Variants in HS6ST3 observed in about 807,000 individuals in gnomAD.
HS6ST3 encodes the protein heparan sulfate 6-O-sulfotransferase 3, also known as heparan-sulfate 6-O-sulfotransferase 3.
In HS6ST3, 12 loss-of-function variants were observed where a neutral mutation model predicts 36.7. The observed-to-expected ratio is 0.33, with a 90% confidence interval of 0.21 to 0.53. The LOEUF is 0.53. Among genes scored for constraint, HS6ST3 ranks in the 20% least tolerant of loss-of-function variants. The pLI, the probability that HS6ST3 is intolerant of heterozygous loss-of-function variation, is 0.95. For synonymous variants in HS6ST3, 240 were observed against 257.5 expected, an observed-to-expected ratio of 0.93 and a Z score of 0.65; for missense variants, 584 against 640.9, an observed-to-expected ratio of 0.91 and a Z score of 0.96.
intron 1 of HS6ST3, among the ~76,000 whole-genome samples, chr13:96,305,427 C>T (rs544277094): frequency 1.3e-5 from 2 of 152,038 alleles, no homozygotes; most frequent in South Asian, 4.1e-4. Context: ...AGTTTTCTAA[C>T]TTGCTTTATT....
intron 1 of HS6ST3, among the ~76,000 whole-genome samples, chr13:96,749,488 T>G (rs962683632): frequency 1.3e-5 from 2 of 152,174 alleles, no homozygotes; most frequent in African/African-American, 2.4e-5. Context: ...AGAGAGTAAT[T>G]TTTGGATTGT....
At chr13:96,332,312 G>T (rs923393334) in intron 1 of HS6ST3, among the ~76,000 whole-genome samples, 1 of 152,164 alleles carries the variant, frequency 6.6e-6, no homozygotes, top group Non-Finnish European at 1.5e-5. Context: ...TATAGATTTG[G>T]AGGTATATGG....
At chr13:96,759,717 G>A (rs1876920135) in intron 1 of HS6ST3, among the ~76,000 whole-genome samples, 1 of 151,886 alleles carries the variant, frequency 6.6e-6, no homozygotes, top group Non-Finnish European at 1.5e-5. Flanking sequence ...GGTAATTTGT[G>A]GTTGTTAGCT....
At chr13:96,487,046 C>T (rs905734544) in intron 1 of HS6ST3, among the ~76,000 whole-genome samples, 1 of 152,048 alleles carries the variant, frequency 6.6e-6, no homozygotes, top group African/African-American at 2.4e-5. Context: ...TAAGATTGGA[C>T]CCTGTTCAAT....
chr13:96,609,325 A>G (rs72642796), intron 1 of HS6ST3, among the ~76,000 whole-genome samples: 1,631 of 152,314 alleles, frequency 0.011, 21 homozygotes, highest in African/African-American at 0.025. Context: ...GAATATAAAT[A>G]TAAAAATTAC....
chr13:96,743,772 T>G (rs1197338037), intron 1 of HS6ST3, among the ~76,000 whole-genome samples: 1 of 152,098 alleles, frequency 6.6e-6, no homozygotes, highest in South Asian at 2.1e-4. Flanking sequence ...GTCTAATTTT[T>G]GAAGATTTAT....
intron 1 of HS6ST3, among the ~76,000 whole-genome samples, chr13:96,317,360 A>G (rs1429203858): frequency 8.2e-4 from 24 of 29,358 alleles, no homozygotes; most frequent in Admixed American, 2.7e-3. Flanking sequence ...ATATATATAT[A>G]TATATATAAA....
intron 1 of HS6ST3, among the ~76,000 whole-genome samples, chr13:96,655,143 C>T (rs1042338195): frequency 5.3e-5 from 8 of 152,086 alleles, no homozygotes; most frequent in African/African-American, 1.9e-4. Flanking sequence ...TGCCAATATC[C>T]GTCAAGGGAG....
rs187196713 is a variant in HS6ST3, at chr13:96,324,574, A to G, written c.707+233005A>G. Among the ~76,000 whole-genome samples, 24 of 152,332 alleles carry G rather than the reference A, an allele frequency of 1.6e-4. No homozygotes were observed. In the East Asian group the frequency reaches 4.4e-3, roughly 28 times the overall value. On this transcript the variant is annotated intron_variant, in intron 1 of 1. Coordinates refer to ENST00000376705, the MANE Select transcript of HS6ST3 (RefSeq NM_153456.4). ...AAAAATATATTGAAATTAGAAATCC[A>G]AGGCCATTGTGAATGTGACCTTATT...
intron 1 of HS6ST3, among the ~76,000 whole-genome samples, chr13:96,298,349 G>A (rs2054865512): frequency 6.6e-6 from 1 of 152,218 alleles, no homozygotes; most frequent in South Asian, 2.1e-4. Flanking sequence ...CATGTGATGG[G>A]AGGAAGGAAA....
At chr13:96,244,875 G>A (rs140645644) in intron 1 of HS6ST3, among the ~76,000 whole-genome samples, 1,759 of 152,276 alleles carry the variant, frequency 0.012, 36 homozygotes, top group African/African-American at 0.041. Context: ...ATTTGAGTGT[G>A]TTATATTTTC....
At chr13:96,202,013 T>A (rs781068050) in intron 1 of HS6ST3, among the ~76,000 whole-genome samples, 1 of 152,208 alleles carries the variant, frequency 6.6e-6, no homozygotes, top group Non-Finnish European at 1.5e-5. Flanking sequence ...AAAATTGTGA[T>A]GAGTTTGAAT....
intron 1 of HS6ST3, among the ~76,000 whole-genome samples, chr13:96,404,801 T>C (rs753141823): frequency 2.6e-5 from 4 of 152,310 alleles, no homozygotes; most frequent in South Asian, 4.1e-4. Flanking sequence ...GCAGGTGATA[T>C]GGTTTGGCTG....
intron 1 of HS6ST3, among the ~76,000 whole-genome samples, chr13:96,139,644 C>T (rs1168538250): frequency 6.8e-6 from 1 of 147,010 alleles, no homozygotes; most frequent in Non-Finnish European, 1.5e-5. Flanking sequence ...GTGAAGTGTA[C>T]ATCATGAAGA....
intron 1 of HS6ST3, among the ~76,000 whole-genome samples, chr13:96,680,356 A>G (rs918163516): frequency 6.6e-6 from 1 of 152,088 alleles, no homozygotes; most frequent in Non-Finnish European, 1.5e-5. Context: ...GAACCTGACA[A>G]TCTCCCTGCA....
At chr13:96,374,599 C>G (rs993757) in intron 1 of HS6ST3, among the ~76,000 whole-genome samples, 135,779 of 152,202 alleles carry the variant, frequency 0.89, 61,038 homozygotes, top group African/African-American at 0.97. Flanking sequence ...TCTGCAAAGA[C>G]CTTGAGTAGC....
intron 1 of HS6ST3, among the ~76,000 whole-genome samples, chr13:96,779,175 G>A (rs1339747796): frequency 1.3e-5 from 2 of 152,064 alleles, no homozygotes; most frequent in African/African-American, 2.4e-5. Flanking sequence ...ATTGATGAGT[G>A]GGGGGCTAGG....
chr13:96,110,936 T>G (rs770058485), intron 1 of HS6ST3, among the ~76,000 whole-genome samples: 2 of 152,132 alleles, frequency 1.3e-5, no homozygotes, highest in Non-Finnish European at 2.9e-5. Flanking sequence ...CCCAGATCAT[T>G]TTCTCACCAT....
At chr13:96,119,025 G>T (rs1015529478) in intron 1 of HS6ST3, among the ~76,000 whole-genome samples, 3 of 152,042 alleles carry the variant, frequency 2.0e-5, no homozygotes, top group African/African-American at 7.2e-5. Flanking sequence ...AAAGATATTT[G>T]CTGGAGAATT....
Sources: allele counts gnomAD v4.1 joint callset (sites outside exome capture counted in the v4.1 genomes callset), GRCh38; gene constraint gnomAD v4.1.1; transcripts MANE v1.5; gene names NCBI Gene and HGNC (gene_info 2026-07-23, HGNC 2026-07-21).